The following DGKB variants were observed in gnomAD, a reference collection of about 807,000 sequenced individuals.
DGKB encodes the protein 90 kDa diacylglycerol kinase.
DGKB carries 67 observed loss-of-function variants against 114.3 expected under a neutral mutation model. The observed-to-expected ratio is 0.59, with a 90% CI of 0.48 to 0.72. DGKB has a LOEUF of 0.72. Among genes scored for constraint, DGKB ranks in the 30% least tolerant of loss-of-function variants. The pLI, the probability that DGKB is intolerant of heterozygous loss-of-function variation, is 0.00. For synonymous variants in DGKB, 398 were observed against 323.1 expected (o/e 1.23, Z -2.49); for missense variants, 907 against 975.2 (o/e 0.93, Z 0.93).
chr7:14,217,564 TA>T (rs963811281), intron 23 of DGKB, among the ~76,000 whole-genome samples: 3 of 151,384 alleles, frequency 2.0e-5, no homozygotes, highest in African/African-American at 4.9e-5. Flanking sequence ...CAGGTTTATA[TA>T]AAAGTCATAT....
At chr7:14,967,652 TAAAAAAAAAAAA>T (rs35965873) in intron 1 of DGKB, among the ~76,000 whole-genome samples, 82 of 101,026 alleles carry the variant, frequency 8.1e-4, no homozygotes, top group Middle Eastern at 6.6e-3. Flanking sequence ...TGTGATTTAT[TAAAAAAAAAAAA>T]AAAAAAAAAA....
chr7:14,947,370 C>A (rs1785941976), intron 1 of DGKB, among the ~76,000 whole-genome samples: 1 of 151,552 alleles, frequency 6.6e-6, no homozygotes, highest in Non-Finnish European at 1.5e-5. Context: ...TTCTGGCATT[C>A]CATTTGTTTC....
chr7:14,617,213 C>G (rs1806710366), intron 15 of DGKB, among the ~76,000 whole-genome samples: 1 of 151,656 alleles, frequency 6.6e-6, no homozygotes, highest in African/African-American at 2.4e-5. Context: ...GGTCTACCTA[C>G]TTGATATTTT....
chr7:14,195,369 G>A (rs1784874827), intron 23 of DGKB, among the ~76,000 whole-genome samples: 1 of 152,096 alleles, frequency 6.6e-6, no homozygotes, highest in South Asian at 2.1e-4. Flanking sequence ...GCTTCTGGAG[G>A]GGCATCCTGC....
intron 1 of DGKB, among the ~76,000 whole-genome samples, chr7:14,852,343 G>A (rs1050723079): frequency 6.6e-5 from 10 of 151,324 alleles, no homozygotes; most frequent in African/African-American, 2.4e-4. Context: ...ACATTATATA[G>A]CCAGGTGCAT....
At chr7:14,553,729 C>A (rs1795440691) in intron 20 of DGKB, among the ~76,000 whole-genome samples, 1 of 152,116 alleles carries the variant, frequency 6.6e-6, no homozygotes, top group African/African-American at 2.4e-5. Flanking sequence ...CACAGTCCCA[C>A]CACATTTTAA....
intron 2 of DGKB, among the ~76,000 whole-genome samples, chr7:14,827,705 A>T (rs896166495): frequency 7.9e-5 from 12 of 152,092 alleles, no homozygotes; most frequent in Non-Finnish European, 1.3e-4. Context: ...ATGGAGAAGA[A>T]AGACTTATGG....
At chr7:14,451,498 C>G (rs1831479375) in intron 21 of DGKB, among the ~76,000 whole-genome samples, 1 of 151,682 alleles carries the variant, frequency 6.6e-6, no homozygotes, top group South Asian at 2.1e-4. Flanking sequence ...AGCTTCTTAG[C>G]CTCCACAATC....
intron 20 of DGKB, among the ~76,000 whole-genome samples, chr7:14,519,510 C>T (rs774880603): frequency 1.3e-5 from 2 of 151,942 alleles, no homozygotes; most frequent in East Asian, 1.9e-4. Context: ...ATGAATTTTC[C>T]CAGTTTTTGG....
chr7:14,212,494 C>T (rs1460094678), intron 23 of DGKB, among the ~76,000 whole-genome samples: 2 of 152,122 alleles, frequency 1.3e-5, no homozygotes, highest in Non-Finnish European at 2.9e-5. Context: ...TCTTTGGCCT[C>T]CCTTTCCACC....
intron 8 of DGKB, among the ~76,000 whole-genome samples, chr7:14,696,855 T>G (rs1007850474): frequency 6.6e-6 from 1 of 152,226 alleles, no homozygotes; most frequent in Non-Finnish European, 1.5e-5. Flanking sequence ...GGAAAAATCC[T>G]AATCCCAGTA....
At chr7:14,516,720 T>C (rs535058959) in intron 20 of DGKB, among the ~76,000 whole-genome samples, 49 of 152,326 alleles carry the variant, frequency 3.2e-4, no homozygotes, top group African/African-American at 1.1e-3. Flanking sequence ...TATACATTGA[T>C]TTTGTATCCT....
At chr7:14,155,481 T>G (rs563886732) in intron 25 of DGKB, among the ~76,000 whole-genome samples, 1 of 152,198 alleles carries the variant, frequency 6.6e-6, no homozygotes, top group East Asian at 1.9e-4. Context: ...GGAGGGACAG[T>G]GGCAGAATTA....
chr7:14,418,392 T>TACACACAC (rs68166303), intron 21 of DGKB, among the ~76,000 whole-genome samples: 1 of 137,076 alleles, frequency 7.3e-6, no homozygotes, highest in African/African-American at 2.8e-5. Flanking sequence ...TATATATATA[T>TACACACAC]ACACACACAC....
chr7:14,183,261 G>A (rs1052940942), intron 23 of DGKB, among the ~76,000 whole-genome samples: 5 of 152,246 alleles, frequency 3.3e-5, no homozygotes, highest in Admixed American at 2.0e-4. Context: ...TCAATGATTC[G>A]TCTTCAAAAT....
chr7:14,430,848 C>T (rs1174082584), intron 21 of DGKB, among the ~76,000 whole-genome samples: 1 of 152,050 alleles, frequency 6.6e-6, no homozygotes, highest in African/African-American at 2.4e-5. Context: ...ATTTTCATAT[C>T]GTACCATAGC....
intron 23 of DGKB, among the ~76,000 whole-genome samples, chr7:14,275,544 T>G (rs572611904): frequency 1.5e-4 from 23 of 152,304 alleles, no homozygotes; most frequent in South Asian, 1.2e-3. Flanking sequence ...CATGTGGGAA[T>G]GAGTCAAATA....
intron 21 of DGKB, among the ~76,000 whole-genome samples, chr7:14,438,573 A>G (rs1391153646): frequency 6.6e-6 from 1 of 152,142 alleles, no homozygotes; most frequent in Non-Finnish European, 1.5e-5. Context: ...AGTGCTATGA[A>G]TCTTGCTTCC....
At chr7:14,916,029 T>C (rs1033286205) in intron 1 of DGKB, among the ~76,000 whole-genome samples, 2 of 152,022 alleles carry the variant, frequency 1.3e-5, no homozygotes, top group African/African-American at 4.8e-5. Context: ...ATAAGTAAGA[T>C]GGATGACAAC....
Sources: allele counts gnomAD v4.1 joint callset (sites outside exome capture counted in the v4.1 genomes callset), GRCh38; gene constraint gnomAD v4.1.1; transcripts MANE v1.5; gene names NCBI Gene and HGNC (gene_info 2026-07-23, HGNC 2026-07-21).